The following ENTREP2 variants were observed in gnomAD, a reference collection of about 807,000 sequenced individuals.
ENTREP2 encodes the protein protein ENTREP2.
the ENTREP2 span, chr15:29,123,414 C>T: frequency 3.9e-6 from 6 of 1,551,174 alleles, no homozygotes. Context: ...CAGCCAAGCG[C>T]ATGGCACCCA....
the ENTREP2 span, among the ~76,000 whole-genome samples, chr15:29,250,582 G>A: frequency 6.6e-6 from 1 of 152,110 alleles, no homozygotes; most frequent in Non-Finnish European, 1.5e-5. Context: ...CAATGTGTGT[G>A]GGCTTTCTTT....
the ENTREP2 span, among the ~76,000 whole-genome samples, chr15:29,604,532 A>G: frequency 1.9e-4 from 29 of 152,298 alleles, no homozygotes; most frequent in African/African-American, 6.7e-4. Flanking sequence ...TTTACTTTCA[A>G]GGTAATTATA....
At chr15:29,225,886 C>T in the ENTREP2 span, among the ~76,000 whole-genome samples, 5 of 152,174 alleles carry the variant, frequency 3.3e-5, no homozygotes, top group Non-Finnish European at 7.3e-5. Context: ...AGGTATTGGC[C>T]ACGTCCACCA....
chr15:29,403,874 C>T, the ENTREP2 span, among the ~76,000 whole-genome samples: 2,248 of 152,264 alleles, frequency 0.015, 50 homozygotes, highest in African/African-American at 0.043. Context: ...TGCCTGAATC[C>T]GCACACTCTC....
the ENTREP2 span, among the ~76,000 whole-genome samples, chr15:29,407,072 A>C: frequency 6.6e-6 from 1 of 152,192 alleles, no homozygotes; most frequent in Non-Finnish European, 1.5e-5. Flanking sequence ...ATGTTCTGAG[A>C]AGTGCGCCCT....
At chr15:29,507,931 G>A in the ENTREP2 span, among the ~76,000 whole-genome samples, 344 of 151,978 alleles carry the variant, frequency 2.3e-3, 1 homozygote, top group African/African-American at 7.7e-3. Flanking sequence ...ATAGAGACAT[G>A]AAAAACCCTT....
At chr15:29,157,277 C>T in the ENTREP2 span, among the ~76,000 whole-genome samples, 2 of 152,114 alleles carry the variant, frequency 1.3e-5, no homozygotes, top group African/African-American at 4.8e-5. Context: ...TTCAAATGTG[C>T]CTTCACCTTG....
the ENTREP2 span, among the ~76,000 whole-genome samples, chr15:29,538,557 G>C: frequency 1.3e-5 from 2 of 151,466 alleles, no homozygotes; most frequent in East Asian, 3.9e-4. Flanking sequence ...CACTTTGGGA[G>C]GCTGAGGCGG....
the ENTREP2 span, among the ~76,000 whole-genome samples, chr15:29,566,327 T>C: frequency 2.4e-3 from 363 of 151,376 alleles, 3 homozygotes; most frequent in African/African-American, 8.3e-3. Context: ...CCCAGCTAGT[T>C]TTTTGTATTG....
the ENTREP2 span, among the ~76,000 whole-genome samples, chr15:29,601,095 C>A: frequency 1.7e-4 from 25 of 149,710 alleles, no homozygotes; most frequent in Non-Finnish European, 3.5e-4. Flanking sequence ...GACGGGGTTT[C>A]ACCGTGTTAG....
At chr15:29,596,075 A>G in the ENTREP2 span, among the ~76,000 whole-genome samples, 3 of 152,196 alleles carry the variant, frequency 2.0e-5, no homozygotes, top group African/African-American at 7.2e-5. Context: ...GCTCATTGCT[A>G]CTGGGGAGTC....
chr15:29,194,071 A>T, the ENTREP2 span, among the ~76,000 whole-genome samples: 1 of 152,246 alleles, frequency 6.6e-6, no homozygotes, highest in Non-Finnish European at 1.5e-5. Flanking sequence ...TGCAATCTCA[A>T]TTAAAATCCC....
chr15:29,432,969 T>C, the ENTREP2 span, among the ~76,000 whole-genome samples: 1 of 152,224 alleles, frequency 6.6e-6, no homozygotes, highest in Non-Finnish European at 1.5e-5. Flanking sequence ...CCCACCTCCA[T>C]CTGCAGGTCT....
At chr15:29,606,729 T>C in the ENTREP2 span, among the ~76,000 whole-genome samples, 107 of 151,232 alleles carry the variant, frequency 7.1e-4, no homozygotes, top group Non-Finnish European at 1.3e-3. Flanking sequence ...GAGGTTCAAA[T>C]GATTTTTTTT....
At chr15:29,301,962 G>C in the ENTREP2 span, among the ~76,000 whole-genome samples, 1 of 152,094 alleles carries the variant, frequency 6.6e-6, no homozygotes, top group Non-Finnish European at 1.5e-5. Context: ...AGCAATAAAT[G>C]TCTATGGTTT....
the ENTREP2 span, among the ~76,000 whole-genome samples, chr15:29,179,751 T>A: frequency 6.6e-6 from 1 of 151,860 alleles, no homozygotes; most frequent in Non-Finnish European, 1.5e-5. Flanking sequence ...CGGCTAATTT[T>A]TTTTTTTGTA....
chr15:29,269,747 C>T, the ENTREP2 span: 6 of 1,433,136 alleles, frequency 4.2e-6, no homozygotes, highest in South Asian at 7.5e-5. Flanking sequence ...GGTAGGCAAG[C>T]AGCCGCGGCG....
the ENTREP2 span, chr15:29,268,772 G>T: frequency 6.3e-7 from 1 of 1,579,608 alleles, no homozygotes; most frequent in African/African-American, 1.4e-5. Flanking sequence ...TGTCCCGGGG[G>T]TCCCTCTGAA....
the ENTREP2 span, among the ~76,000 whole-genome samples, chr15:29,489,697 C>T: frequency 6.6e-6 from 1 of 152,202 alleles, no homozygotes; most frequent in African/African-American, 2.4e-5. Context: ...ACCCGTCCAT[C>T]AGAGCCTGCA....
Sources: gnomAD v4.1 joint callset for allele counts (sites outside exome capture counted in the v4.1 genomes callset) on GRCh38, gnomAD v4.1.1 for gene constraint, MANE v1.5 for transcripts, NCBI Gene and HGNC (gene_info 2026-07-23, HGNC 2026-07-21) for gene names.